CLCN4: variants seen among roughly 807,000 people sequenced by gnomAD.
CLCN4 encodes Cl-/H+ antiporter 4, also known as H(+)/Cl(-) exchange transporter 4.
Under a neutral mutation model 41.7 loss-of-function variants are expected in CLCN4, and 1 was observed. The ratio of observed to expected loss-of-function variants is 0.02; its 90% CI spans 0.01 to 0.11. The LOEUF is 0.11. Ranked by LOEUF, CLCN4 falls within the 10% of genes least tolerant of loss-of-function variation. The pLI, the probability that CLCN4 is intolerant of heterozygous loss-of-function variation, is 1.00. For synonymous variants in CLCN4, 277 were observed against 285.8 expected, an observed-to-expected ratio of 0.97 and a Z score of 0.31; for missense variants, 287 against 661.0, an observed-to-expected ratio of 0.43 and a Z score of 6.20.
intron 2 of CLCN4, among the ~76,000 whole-genome samples, chrX:10,166,201 A>G (rs893474757): frequency 2.7e-5 from 3 of 112,015 alleles, no homozygotes; most frequent in African/African-American, 9.7e-5. Flanking sequence ...CCTAACCTTC[A>G]GTACTTCAAG....
intron 2 of CLCN4, among the ~76,000 whole-genome samples, chrX:10,180,796 A>T (rs1336315906): frequency 3.0e-5 from 3 of 99,136 alleles, no homozygotes; most frequent in Non-Finnish European, 6.0e-5. Context: ...AAAAAAAAAG[A>T]AAGAAAGAAA....
intron 6 of CLCN4, among the ~76,000 whole-genome samples, chrX:10,205,323 A>T (rs1456943747): frequency 9.1e-6 from 1 of 109,618 alleles, no homozygotes; most frequent in African/African-American, 3.3e-5. Context: ...AGTACAAAAA[A>T]TTAGCCGGGC....
chrX:10,216,101 A>G lies in CLCN4; in HGVS notation c.1975+2022A>G, dbSNP rs750165016. Among the ~76,000 whole-genome samples, 22 of 112,118 alleles carry G rather than the reference A, an allele frequency of 2.0e-4. No individual in the cohort carries two copies. In the South Asian group the frequency reaches 7.8e-3, roughly 40 times the overall value. On this transcript the variant is annotated intron_variant, in intron 11 of 12. Transcript: ENST00000380833. The stretch of plus-strand genomic sequence containing the variant: ...GAAATATGACAGCATTTAGCTAGAC[A>G]CTATCCCATGCCAATTTCACTTCCT...
intron 4 of CLCN4, among the ~76,000 whole-genome samples, chrX:10,189,372 A>T (rs1425550381): frequency 1.8e-5 from 2 of 111,150 alleles, no homozygotes; most frequent in Non-Finnish European, 3.8e-5. Flanking sequence ...CTCTTTCACG[A>T]GGGGGAATTA....
intron 2 of CLCN4, among the ~76,000 whole-genome samples, chrX:10,174,747 G>T (rs1210069269): frequency 9.0e-6 from 1 of 111,395 alleles, no homozygotes; most frequent in Non-Finnish European, 1.9e-5. Context: ...ATAGCTGGAC[G>T]AATTGTAAAA....
intron 12 of CLCN4, among the ~76,000 whole-genome samples, chrX:10,231,163 C>G (rs1925117874): frequency 8.9e-6 from 1 of 112,161 alleles, no homozygotes; most frequent in Non-Finnish European, 1.9e-5. Flanking sequence ...TGATTTTTCT[C>G]CACGTCTTTT....
intron 12 of CLCN4, among the ~76,000 whole-genome samples, chrX:10,229,534 T>C (rs1925072504): frequency 9.2e-6 from 1 of 109,267 alleles, no homozygotes; most frequent in Non-Finnish European, 1.9e-5. Context: ...CCTAATGCTA[T>C]CCCTCCCCCG....
chrX:10,187,355 C>T (rs1023023452), intron 3 of CLCN4, among the ~76,000 whole-genome samples, 160 bp from the exon 4 acceptor site: 4 of 112,083 alleles, frequency 3.6e-5, no homozygotes, highest in Middle Eastern at 4.6e-3. Flanking sequence ...CGTACCGTTG[C>T]GGCACATAAC....
chrX:10,162,507 T>C (rs999794985), intron 2 of CLCN4, among the ~76,000 whole-genome samples: 12 of 112,714 alleles, frequency 1.1e-4, no homozygotes, highest in African/African-American at 3.9e-4. Context: ...AAAAGTCTTC[T>C]TGTTTAGAGA....
At chrX:10,191,660 G>A (rs1178609745) in intron 4 of CLCN4, among the ~76,000 whole-genome samples, 2 of 107,210 alleles carry the variant, frequency 1.9e-5, no homozygotes, top group Non-Finnish European at 3.8e-5. Context: ...TGAGTAGCTG[G>A]GACTATAGGC....
chrX:10,180,089 A>G (rs146638918), intron 2 of CLCN4, among the ~76,000 whole-genome samples: 1 of 112,538 alleles, frequency 8.9e-6, no homozygotes, highest in Admixed American at 9.4e-5. Context: ...AAATACAACT[A>G]CGAAGAAAAC....
intron 2 of CLCN4, among the ~76,000 whole-genome samples, chrX:10,182,043 C>T (rs1923698790): frequency 9.0e-6 from 1 of 111,501 alleles, no homozygotes; most frequent in African/African-American, 3.3e-5. Flanking sequence ...TTCCACAGTT[C>T]CTTTGGAGGC....
chrX:10,204,069 G>A (rs969211366), intron 6 of CLCN4, among the ~76,000 whole-genome samples: 3 of 111,794 alleles, frequency 2.7e-5, no homozygotes, highest in Non-Finnish European at 5.6e-5. Flanking sequence ...TGGGGGACGG[G>A]TTGGAGGTAG....
intron 3 of CLCN4, 118 bp from the exon 4 acceptor site, chrX:10,187,397 C>T: frequency 3.7e-6 from 2 of 546,333 alleles, no homozygotes; most frequent in East Asian, 3.3e-5. Context: ...AATTTAGCTG[C>T]TTGATGACAT....
intron 2 of CLCN4, among the ~76,000 whole-genome samples, chrX:10,159,210 C>T (rs762075124): frequency 3.1e-4 from 35 of 112,194 alleles, no homozygotes; most frequent in African/African-American, 1.1e-3. Context: ...ATTGCAGCTT[C>T]CAAAGATAAC....
intron 4 of CLCN4, among the ~76,000 whole-genome samples, chrX:10,189,199 G>T (rs1219892789): frequency 5.4e-5 from 6 of 111,688 alleles, no homozygotes. Context: ...TTCTTGGCTC[G>T]TAGGAAGGAG....
chrX:10,230,894 A>G (rs1459810880), intron 12 of CLCN4, among the ~76,000 whole-genome samples: 1 of 111,831 alleles, frequency 8.9e-6, no homozygotes, highest in African/African-American at 3.3e-5. Context: ...TCTGTGTCAT[A>G]TATTTCTGTG....
chrX:10,183,194 C>T (rs975112764), intron 2 of CLCN4, among the ~76,000 whole-genome samples: 1 of 112,196 alleles, frequency 8.9e-6, no homozygotes, highest in East Asian at 2.8e-4. Context: ...CTGACTTCTG[C>T]GATGTGATTC....
rs775295174 is a variant in CLCN4, at chrX:10,160,857, A to G, written c.-12+2306A>G. Among the ~76,000 whole-genome samples the G allele has an allele frequency of 6.3e-5, 7 of 111,377 alleles. No individual in the cohort carries two copies. In the South Asian group the frequency reaches 1.5e-3, roughly 24 times the overall value. ...CCTGCAGAGCTGCTGTCGGATCTGT[A>G]AAGTGGGGCCAACCGTGCTTGCTGA... On this transcript the variant is annotated intron_variant, in intron 2 of 12. Coordinates refer to ENST00000380833, the MANE Select transcript of CLCN4 (RefSeq NM_001830.4).
Sources: gnomAD v4.1 joint callset for allele counts (sites outside exome capture counted in the v4.1 genomes callset) on GRCh38, gnomAD v4.1.1 for gene constraint, MANE v1.5 for transcripts, NCBI Gene and HGNC (gene_info 2026-07-23, HGNC 2026-07-21) for gene names.